The following WDR27 variants were observed in gnomAD, a reference collection of about 807,000 sequenced individuals.
WDR27 encodes the protein WD repeat domain 27, also known as WD repeat-containing protein 27.
A neutral mutation model predicts 114.4 loss-of-function variants in WDR27; 100 were observed. The observed-to-expected ratio is 0.87, with a 90% CI of 0.74 to 1.03. The LOEUF (loss-of-function observed/expected upper bound fraction) is 1.03. Among genes scored for constraint, WDR27 ranks in the 50% least tolerant of loss-of-function variants. The pLI, the probability that WDR27 is intolerant of heterozygous loss-of-function variation, is 0.00. For missense variants in WDR27, 1,129 were observed against 1,092.9 expected, an observed-to-expected ratio of 1.03 and a Z score of -0.47; for synonymous variants, 449 against 423.1, an observed-to-expected ratio of 1.06 and a Z score of -0.75.
chr6:169,684,775 G>A lies in WDR27; in HGVS notation c.189+4042C>T, dbSNP rs964085336. ...CTAATGGGCATGCCCGCAGCCAGCT[G>A]AGCAGCCTTGTGCCTACGTCCAATG... On this transcript the variant is annotated intron_variant, in intron 2 of 25. Transcript: ENST00000448612. This position sits in a 1 kb window ranked among gnomAD's most constrained non-coding sequence, Gnocchi z 4.3. Among the ~76,000 whole-genome samples, 27 of 152,182 alleles carry A rather than the reference G, an allele frequency of 1.8e-4. No individual in the cohort carries two copies. Among genetic ancestry groups the A allele is most frequent in the Non-Finnish European group, 1.2e-4 (8 of 68,032 alleles).
At chr6:169,642,219 G>A (rs902066972) in intron 17 of WDR27, among the ~76,000 whole-genome samples, 2 of 152,106 alleles carry the variant, frequency 1.3e-5, no homozygotes, top group Admixed American at 6.5e-5. Context: ...TATTTTCAAC[G>A]TTGAGCGATG....
At position 169,642,300 on chromosome 6, in the gene WDR27, CTT is replaced by C. The variant is rs2128228884; in HGVS notation, c.1747+1395_1747+1396del. The stretch of plus-strand genomic sequence containing the variant: ...GCAGTTGAGATGGTTAAATGTGGCC[CTT>C]CCCCCCCGCCCACAGAAACAGAGCA... On this transcript the variant is annotated intron_variant, in intron 17 of 25. Transcript: ENST00000448612. Among the ~76,000 whole-genome samples the C allele has an allele frequency of 2.7e-5, 4 of 147,754 alleles. No homozygotes were observed. In the South Asian group the frequency reaches 8.7e-4, roughly 32 times the overall value.
chr6:169,679,991 T>C (rs1428894989), intron 2 of WDR27, among the ~76,000 whole-genome samples: 4 of 152,190 alleles, frequency 2.6e-5, no homozygotes, highest in African/African-American at 7.2e-5. Flanking sequence ...ATTGAAATGA[T>C]AGAAGAGCAA....
chr6:169,698,548 T>C (rs1017049965), intron 1 of WDR27, among the ~76,000 whole-genome samples: 4 of 152,250 alleles, frequency 2.6e-5, no homozygotes, highest in African/African-American at 9.6e-5. Context: ...TTTTTCTATA[T>C]GTTAAAATAT....
chr6:169,699,212 G>GA (rs1255152591), intron 1 of WDR27, among the ~76,000 whole-genome samples: 1 of 152,180 alleles, frequency 6.6e-6, no homozygotes, highest in Non-Finnish European at 1.5e-5. Context: ...GACACGAAAA[G>GA]AAAGTACGAA....
chr6:169,561,659 A>T (rs1490930901), intron 25 of WDR27, among the ~76,000 whole-genome samples: 1 of 152,194 alleles, frequency 6.6e-6, no homozygotes, highest in Non-Finnish European at 1.5e-5. Context: ...AAAAACAAAG[A>T]TCAGAAGGAG....
At chr6:169,448,004 T>A in the WDR27 span, among the ~76,000 whole-genome samples, 1 of 152,356 alleles carries the variant, frequency 6.6e-6, no homozygotes, top group East Asian at 1.9e-4. Flanking sequence ...CTAAATCTAC[T>A]CTTGAATATT....
intron 2 of WDR27, among the ~76,000 whole-genome samples, chr6:169,688,455 T>G (rs946754881): frequency 5.9e-5 from 9 of 152,134 alleles, no homozygotes; most frequent in African/African-American, 1.7e-4. Context: ...CAACATGCAC[T>G]TATTATGTGG....
At chr6:169,633,158 A>G (rs1289255082) in intron 20 of WDR27, 90 bp from the exon 21 acceptor site, 10 of 1,332,688 alleles carry the variant, frequency 7.5e-6, no homozygotes, top group Non-Finnish European at 8.9e-6. Flanking sequence ...AAACTTTGGA[A>G]TATTAGAAGA....
chr6:169,529,887 T>C (rs933566365), intron 25 of WDR27, among the ~76,000 whole-genome samples: 4 of 152,222 alleles, frequency 2.6e-5, no homozygotes, highest in South Asian at 2.1e-4. Context: ...CAAACTTCAA[T>C]AGCACTGTGC....
At chr6:169,469,908 T>C (rs1230536918) in intron 25 of WDR27, among the ~76,000 whole-genome samples, 1 of 152,218 alleles carries the variant, frequency 6.6e-6, no homozygotes, top group African/African-American at 2.4e-5. Flanking sequence ...ACACCCTTAG[T>C]GGTCTTTTTA....
intron 25 of WDR27, among the ~76,000 whole-genome samples, chr6:169,566,030 T>C (rs1381827272): frequency 6.6e-6 from 1 of 152,236 alleles, no homozygotes; most frequent in East Asian, 1.9e-4. Context: ...TTGTCTGTTG[T>C]TATTCATTAG....
rs571553055 is a variant in WDR27, at chr6:169,701,615, C to T, written c.-72G>A. ...TCAAAGCGCCGATCTCAAGCGGCCG[C>T]CCGGATGCTCCGGCCCGACTTGTGC... On this transcript the variant is annotated 5_prime_UTR_variant, in exon 1 of 26. Coordinates refer to ENST00000448612, the MANE Select transcript of WDR27 (RefSeq NM_182552.5). 9 of 165,298 alleles carry T rather than the reference C, an allele frequency of 5.4e-5. No homozygotes were observed. The highest frequency in any genetic ancestry group is 3.0e-3 in the Middle Eastern group (1 of 338). 10.2% of individuals were successfully genotyped at this position (165,298 alleles called of 1,614,324 possible).
chr6:169,530,345 C>G (rs1046863939), intron 25 of WDR27, among the ~76,000 whole-genome samples: 3 of 152,208 alleles, frequency 2.0e-5, no homozygotes, highest in Non-Finnish European at 2.9e-5. Flanking sequence ...CATGACCTTT[C>G]AAAACAGAGA....
chr6:169,458,856 C>A (rs1262197348), intron 25 of WDR27, among the ~76,000 whole-genome samples: 1 of 150,692 alleles, frequency 6.6e-6, no homozygotes, highest in African/African-American at 2.4e-5. Flanking sequence ...AGGAAAGGCT[C>A]AAAAAAAGAA....
intron 23 of WDR27, among the ~76,000 whole-genome samples, chr6:169,595,153 C>T (rs1318173124): frequency 6.6e-6 from 1 of 152,194 alleles, no homozygotes; most frequent in Non-Finnish European, 1.5e-5. Context: ...GCTAACAGAG[C>T]AAGACTCAAA....
intron 1 of WDR27, among the ~76,000 whole-genome samples, chr6:169,689,610 T>C (rs1783927808): frequency 6.6e-6 from 1 of 152,218 alleles, no homozygotes; most frequent in African/African-American, 2.4e-5. Context: ...CATAAACTAA[T>C]GAAACACTGA....
chr6:169,621,899 T>C (rs1230530749), intron 21 of WDR27, among the ~76,000 whole-genome samples: 2 of 152,164 alleles, frequency 1.3e-5, no homozygotes, highest in African/African-American at 2.4e-5. Flanking sequence ...CACAGGCACA[T>C]ATACTTGCAC....
chr6:169,657,457 C>T (rs991517248), intron 13 of WDR27, among the ~76,000 whole-genome samples: 6 of 152,186 alleles, frequency 3.9e-5, no homozygotes, highest in Non-Finnish European at 7.3e-5. Context: ...GTCGCCAGGT[C>T]GCTGGCCGGG....
Sources: gnomAD v4.1 joint callset for allele counts (sites outside exome capture counted in the v4.1 genomes callset) on GRCh38, gnomAD v4.1.1 for gene constraint, Gnocchi (gnomAD v3.1) non-coding constraint, MANE v1.5 for transcripts, NCBI Gene and HGNC (gene_info 2026-07-23, HGNC 2026-07-21) for gene names.